The following FHOD3 variants were observed in gnomAD, a reference collection of about 807,000 sequenced individuals.
The protein encoded by FHOD3 is FH1/FH2 domain-containing protein 3.
FHOD3 carries 90 observed loss-of-function variants against 173.0 expected under a neutral mutation model. The ratio of observed to expected loss-of-function variants is 0.52; its 90% CI spans 0.44 to 0.62. FHOD3 has a LOEUF of 0.62. Among genes scored for constraint, FHOD3 ranks in the 20% least tolerant of loss-of-function variants. The pLI, the probability that FHOD3 is intolerant of heterozygous loss-of-function variation, is 0.00. For synonymous variants in FHOD3, 828 were observed against 823.0 expected, an observed-to-expected ratio of 1.01 and a Z score of -0.10; for missense variants, 1,945 against 2,034.7, an observed-to-expected ratio of 0.96 and a Z score of 0.85.
intron 18 of FHOD3, among the ~76,000 whole-genome samples, chr18:36,714,551 T>C (rs1406696299): frequency 6.6e-6 from 1 of 152,062 alleles, no homozygotes; most frequent in Non-Finnish European, 1.5e-5. Context: ...AAAAAAAATA[T>C]TACCTGATTA....
intron 1 of FHOD3, among the ~76,000 whole-genome samples, chr18:36,306,632 C>A (rs181797867): frequency 2.0e-4 from 31 of 152,344 alleles, no homozygotes; most frequent in African/African-American, 7.5e-4. Flanking sequence ...AGGGCAAACT[C>A]CAAAGTCCTC....
chr18:36,511,431 T>G (rs1466229630), intron 4 of FHOD3, among the ~76,000 whole-genome samples: 1 of 151,446 alleles, frequency 6.6e-6, no homozygotes, highest in Non-Finnish European at 1.5e-5. Context: ...AAAGCTACCA[T>G]TAAATCAGTG....
chr18:36,330,735 T>C (rs2044954125), intron 1 of FHOD3, among the ~76,000 whole-genome samples: 1 of 152,194 alleles, frequency 6.6e-6, no homozygotes, highest in Non-Finnish European at 1.5e-5. Flanking sequence ...CAGCCTGCTG[T>C]TTATGGGCAC....
intron 3 of FHOD3, among the ~76,000 whole-genome samples, chr18:36,436,906 T>C (rs8095757): frequency 0.023 from 3,463 of 152,312 alleles, 125 homozygotes; most frequent in African/African-American, 0.078. Context: ...AACATACCTC[T>C]GTGAGACTCC....
In FHOD3 at chr18:36,694,506, G is replaced by A. The variant is rs570245887; in HGVS notation, c.2236+1083G>A. 2.0e-5 allele frequency among the ~76,000 whole-genome samples: 3 copies of A among 152,210 alleles called. No homozygotes were observed. In the South Asian group the frequency reaches 6.2e-4, roughly 32 times the overall value. On this transcript the variant is annotated intron_variant, in intron 17 of 28. Transcript: ENST00000590592. Reference sequence around the variant, plus strand: ...GGCTCAGTCATGGATGAGTAATGTCGGTCTTAAAATATTGAGACTCTGAAA... The same window carrying A: ...GGCTCAGTCATGGATGAGTAATGTCAGTCTTAAAATATTGAGACTCTGAAA...
chr18:36,503,338 C>T (rs1179057589), intron 4 of FHOD3, among the ~76,000 whole-genome samples: 1 of 152,180 alleles, frequency 6.6e-6, no homozygotes, highest in Non-Finnish European at 1.5e-5. Context: ...GTTCCCATCT[C>T]ATCTACATCC....
chr18:36,380,189 A>G (rs1375374414), intron 3 of FHOD3, among the ~76,000 whole-genome samples: 1 of 152,242 alleles, frequency 6.6e-6, no homozygotes, highest in Non-Finnish European at 1.5e-5. Flanking sequence ...TCAAGCCCAT[A>G]TACTGGAGTA....
At chr18:36,631,144 G>T (rs1258340625) in intron 10 of FHOD3, among the ~76,000 whole-genome samples, 1 of 152,152 alleles carries the variant, frequency 6.6e-6, no homozygotes, top group Non-Finnish European at 1.5e-5. Flanking sequence ...GGGGTTTGTT[G>T]TGGGGCAGGG....
At chr18:36,450,470 TATTTATTTATTTA>T (rs1568287496) in intron 3 of FHOD3, among the ~76,000 whole-genome samples, 96 of 127,538 alleles carry the variant, frequency 7.5e-4, no homozygotes, top group African/African-American at 3.8e-3. Flanking sequence ...TTTATTTATT[TATTTATTTATTTA>T]TTTAATTTTT....
rs757367072 is a variant in FHOD3, at chr18:36,709,101, C to T, written c.2243C>T (p.Ala748Val). 1.2e-6 allele frequency: 2 copies of T among 1,612,052 alleles called. No individual in the cohort carries two copies. The highest frequency in any genetic ancestry group is 1.7e-6 in the Non-Finnish European group (2 of 1,178,276). ...CCATTGTTGTCTCCACCAGCAAGTG[C>T]CGGGGATCCTGAACCCGAATCAGAG... ...PGTPHHPQAS[A>V]GDPEPESEAE... Residue 748 changes from alanine (A) to valine (V), a missense_variant, in exon 18 of 29, where the codon GCC becomes GTC. Transcript: ENST00000590592.
rs190152936 is a variant in FHOD3 at position 36,426,094 on chromosome 18, C to T, written c.337+53350C>T. Among the ~76,000 whole-genome samples the T allele has an allele frequency of 4.7e-4, 72 of 151,696 alleles. 1 individual carries two copies. The Middle Eastern group carries it at 0.02, about 43-fold the overall frequency. ...TAATTTTTTGTATTTTTAGTGGAGA[C>T]GGGGTTTCACCATGTTAGCCAGAAT... is the stretch of plus-strand genomic sequence containing the variant. On this transcript the variant is annotated intron_variant, in intron 3 of 28. Transcript: ENST00000590592.
At position 36,347,774 on chromosome 18, in the gene FHOD3, T is replaced by C. The variant is rs551122442; in HGVS notation, c.166-7765T>C. ...CAATAGGAACTACTTTCTTCTGATA[T>C]CATGTGAATTGATTTCATGTAGTCT... On this transcript the variant is annotated intron_variant, in intron 1 of 28. Transcript: ENST00000590592. Among the ~76,000 whole-genome samples the C allele has an allele frequency of 2.0e-5, 3 of 152,372 alleles. No individual in the cohort carries two copies. The South Asian group carries it at 6.2e-4, about 32-fold the overall frequency.
At chr18:36,724,390 G>C (rs768716410) in intron 19 of FHOD3, among the ~76,000 whole-genome samples, 2 of 152,210 alleles carry the variant, frequency 1.3e-5, no homozygotes, top group African/African-American at 4.8e-5. Context: ...TCCCAACCCA[G>C]GTAGCTGCCC....
intron 6 of FHOD3, among the ~76,000 whole-genome samples, chr18:36,580,570 T>C (rs961577610): frequency 1.3e-5 from 2 of 152,228 alleles, no homozygotes; most frequent in Non-Finnish European, 2.9e-5. Context: ...TGCTGAAAGT[T>C]AACAAAGGCA....
At chr18:36,470,366 G>A (rs774017969) in intron 3 of FHOD3, among the ~76,000 whole-genome samples, 1 of 152,210 alleles carries the variant, frequency 6.6e-6, no homozygotes, top group African/African-American at 2.4e-5. Context: ...TGAAGGAACT[G>A]GATTAGCTCA....
intron 3 of FHOD3, among the ~76,000 whole-genome samples, chr18:36,464,234 C>T (rs1382947598): frequency 6.6e-6 from 1 of 152,158 alleles, no homozygotes; most frequent in Non-Finnish European, 1.5e-5. Flanking sequence ...CTGCATGCCT[C>T]TCTGATAAAA....
In FHOD3 at chr18:36,740,679, C is replaced by T. The variant is rs367586031; in HGVS notation, c.3600C>T (p.Thr1200=). The change falls in exon 21 of 29, where the codon ACC becomes ACT. Residue 1200 remains threonine (T), a synonymous_variant. Coordinates refer to ENST00000590592, the MANE Select transcript of FHOD3 (RefSeq NM_001281740.3). ...AGAAAATTCTAACGATGATTCCCAC[C>T]GATGAGGAGAAGCAGAAAATCCAGG... ...GIEKILTMIP[T]DEEKQKIQEA... 107 of 1,613,646 alleles carry T rather than the reference C, an allele frequency of 6.6e-5. No individual in the cohort carries two copies. Among genetic ancestry groups the T allele is most frequent in the Non-Finnish European group, 7.8e-5 (92 of 1,179,954 alleles).
At chr18:36,777,198 C>CTTTTTTTTTTTTTT (rs11294880) in intron 28 of FHOD3, among the ~76,000 whole-genome samples, 1 of 108,888 alleles carries the variant, frequency 9.2e-6, no homozygotes, top group African/African-American at 3.7e-5. Flanking sequence ...TCTTCTTTTT[C>CTTTTTTTTTTTTTT]TTTTTTTTTT....
At chr18:36,695,984 T>C (rs1238593214) in intron 17 of FHOD3, among the ~76,000 whole-genome samples, 2 of 152,246 alleles carry the variant, frequency 1.3e-5, no homozygotes, top group Non-Finnish European at 1.5e-5. Context: ...ACACCTGGCA[T>C]GTCCAAACGT....
Sources: allele counts gnomAD v4.1 joint callset (sites outside exome capture counted in the v4.1 genomes callset), GRCh38; gene constraint gnomAD v4.1.1; transcripts MANE v1.5; gene names NCBI Gene and HGNC (gene_info 2026-07-23, HGNC 2026-07-21).